Variants in CAMTA1 observed in about 807,000 individuals in gnomAD.
CAMTA1 encodes the protein calmodulin binding transcription activator 1, also known as calmodulin-binding transcription activator 1.
Under a neutral mutation model 170.9 loss-of-function variants are expected in CAMTA1, and 27 were observed. The observed-to-expected ratio is 0.16, with a 90% CI of 0.12 to 0.22. The LOEUF is 0.22. Among genes scored for constraint, CAMTA1 ranks in the 10% least tolerant of loss-of-function variants. CAMTA1 has a pLI of 1.00. For synonymous variants in CAMTA1, 833 were observed against 891.5 expected (o/e 0.93, Z 1.17); for missense variants, 1,619 against 2,217.2 (o/e 0.73, Z 5.42).
At position 7,523,050 on chromosome 1, in the gene CAMTA1, A is replaced by G. The variant is rs568402290; in HGVS notation, c.510+55149A>G. On this transcript the variant is annotated intron_variant, in intron 6 of 22. Coordinates refer to ENST00000303635, the MANE Select transcript of CAMTA1 (RefSeq NM_015215.4). Reference sequence around the variant, plus strand: ...CCCAGCTAATTTTTGTATTTTTAGTAGAGATGGGGTTTCACCATGTTGGCC... The same window carrying G: ...CCCAGCTAATTTTTGTATTTTTAGTGGAGATGGGGTTTCACCATGTTGGCC... Among the ~76,000 whole-genome samples the G allele has an allele frequency of 1.2e-4, 19 of 152,300 alleles. 1 individual carries two copies. The highest frequency in any genetic ancestry group is 4.6e-4 in the African/African-American group (19 of 41,576).
At chr1:7,413,438 G>A (rs377515375) in intron 5 of CAMTA1, among the ~76,000 whole-genome samples, 42,532 of 151,932 alleles carry the variant, frequency 0.28, 6,634 homozygotes, top group Non-Finnish European at 0.34. Context: ...TCATTGAGCA[G>A]TGGTTTGTAG....
At chr1:7,692,361 C>G (rs1298912676) in intron 11 of CAMTA1, among the ~76,000 whole-genome samples, 5 of 152,090 alleles carry the variant, frequency 3.3e-5, no homozygotes, top group Non-Finnish European at 7.4e-5. Context: ...GCTCAGCCCT[C>G]TCTCTAGGCC....
intron 22 of CAMTA1, among the ~76,000 whole-genome samples, chr1:7,759,895 G>A (rs908727290): frequency 3.3e-5 from 5 of 152,192 alleles, no homozygotes; most frequent in African/African-American, 7.2e-5. Context: ...TTTATTTTTC[G>A]TGGATAGTAG....
chr1:7,457,592 C>T (rs1750841), intron 5 of CAMTA1, among the ~76,000 whole-genome samples: 29,941 of 152,126 alleles, frequency 0.2, 3,261 homozygotes, highest in African/African-American at 0.27. Context: ...CACTGTTCTC[C>T]GCGACTCTTA....
At chr1:7,085,245 G>A (rs1640582452) in intron 3 of CAMTA1, among the ~76,000 whole-genome samples, 1 of 152,232 alleles carries the variant, frequency 6.6e-6, no homozygotes, top group Non-Finnish European at 1.5e-5. Context: ...TGAATGAGGG[G>A]CACTTAGAGG....
chr1:7,004,794 G>A (rs1698738149), intron 3 of CAMTA1, among the ~76,000 whole-genome samples: 1 of 152,110 alleles, frequency 6.6e-6, no homozygotes, highest in Admixed American at 6.5e-5. Context: ...TGGAGATGGA[G>A]TCTCTTTCTG....
chr1:6,936,722 C>T (rs1193754201), intron 3 of CAMTA1, among the ~76,000 whole-genome samples: 1 of 152,168 alleles, frequency 6.6e-6, no homozygotes, highest in East Asian at 1.9e-4. Context: ...GGCGTGGTGA[C>T]TCACGCCTGT....
At chr1:7,442,084 G>A (rs1557721084) in intron 5 of CAMTA1, among the ~76,000 whole-genome samples, 1 of 152,098 alleles carries the variant, frequency 6.6e-6, no homozygotes, top group Admixed American at 6.5e-5. Context: ...GGTTTCCATG[G>A]AGAAGTGCTG....
chr1:7,728,505 CT>C lies in CAMTA1; in HGVS notation c.2915-3942del, dbSNP rs2096708303. ...TGCTCTGGAACAAGTGAAATGGATG[CT>C]GAAAACTCGTTAACCAGATGCAAGA... On this transcript the variant is annotated intron_variant, in intron 11 of 22. Transcript: ENST00000303635. Among the ~76,000 whole-genome samples the C allele has an allele frequency of 2.6e-5, 4 of 152,296 alleles. No individual in the cohort carries two copies. In the South Asian group the frequency reaches 8.3e-4, roughly 32 times the overall value.
intron 3 of CAMTA1, among the ~76,000 whole-genome samples, chr1:6,845,932 C>A (rs1168903194): frequency 6.6e-6 from 1 of 152,122 alleles, no homozygotes; most frequent in East Asian, 1.9e-4. Flanking sequence ...CTGGGGAGGC[C>A]TCACAATCAT....
chr1:7,214,892 A>C (rs558541692), intron 4 of CAMTA1, among the ~76,000 whole-genome samples: 1 of 149,018 alleles, frequency 6.7e-6, no homozygotes, highest in African/African-American at 2.5e-5. Context: ...ATGTCTGATC[A>C]CTCTAACACC....
chr1:7,141,479 C>T (rs554376757), intron 4 of CAMTA1, among the ~76,000 whole-genome samples: 5 of 152,292 alleles, frequency 3.3e-5, no homozygotes, highest in African/African-American at 4.8e-5. Context: ...GTCTCCAGAT[C>T]GCCCATGGAA....
At chr1:7,717,308 A>AT (rs2096617719) in intron 11 of CAMTA1, among the ~76,000 whole-genome samples, 2 of 152,162 alleles carry the variant, frequency 1.3e-5, no homozygotes, top group African/African-American at 4.8e-5. Flanking sequence ...TTTAATGAAC[A>AT]AATGTACTCC....
intron 3 of CAMTA1, among the ~76,000 whole-genome samples, chr1:6,844,577 T>A (rs1303392503): frequency 6.6e-6 from 1 of 150,510 alleles, no homozygotes; most frequent in East Asian, 1.9e-4. Context: ...TCCCAGCTAC[T>A]TGGGAGCCTG....
At chr1:7,348,601 G>A (rs536303793) in intron 5 of CAMTA1, among the ~76,000 whole-genome samples, 7 of 152,366 alleles carry the variant, frequency 4.6e-5, no homozygotes, top group Admixed American at 1.3e-4. Context: ...CTTCCAGGGC[G>A]AGGATCCAAC....
chr1:7,425,539 G>A (rs1253837131), intron 5 of CAMTA1, among the ~76,000 whole-genome samples: 1 of 152,092 alleles, frequency 6.6e-6, no homozygotes, highest in Non-Finnish European at 1.5e-5. Context: ...TAAAGGGAGA[G>A]TGTGAATGAG....
At chr1:7,104,075 A>G (rs548467159) in intron 4 of CAMTA1, among the ~76,000 whole-genome samples, 14 of 151,698 alleles carry the variant, frequency 9.2e-5, no homozygotes, top group African/African-American at 3.4e-4. Context: ...CACACTACAC[A>G]GATGTACACA....
At chr1:7,477,611 G>A (rs934625685) in intron 6 of CAMTA1, among the ~76,000 whole-genome samples, 3 of 152,128 alleles carry the variant, frequency 2.0e-5, no homozygotes, top group East Asian at 1.9e-4. Context: ...CTCCCAAAAC[G>A]GCCATTATCC....
intron 6 of CAMTA1, among the ~76,000 whole-genome samples, chr1:7,602,341 T>C (rs2095453833): frequency 6.6e-6 from 1 of 152,038 alleles, no homozygotes; most frequent in Non-Finnish European, 1.5e-5. Context: ...GAGCCTGTTA[T>C]TGGTCTATTC....
Sources: allele counts gnomAD v4.1 joint callset (sites outside exome capture counted in the v4.1 genomes callset), GRCh38; gene constraint gnomAD v4.1.1; transcripts MANE v1.5; gene names NCBI Gene and HGNC (gene_info 2026-07-23, HGNC 2026-07-21).